The following EMB variants were observed in gnomAD, a reference collection of about 807,000 sequenced individuals.
EMB encodes the protein embigin, also known as embigin homolog.
In EMB, 31 loss-of-function variants were observed where a neutral mutation model predicts 41.4. The ratio of observed to expected loss-of-function variants is 0.75; its 90% CI spans 0.56 to 1.01. EMB has a LOEUF of 1.01. Among genes scored for constraint, EMB ranks in the 50% least tolerant of loss-of-function variants. The pLI is 0.00. For missense variants in EMB, 379 were observed against 388.3 expected (o/e 0.98, Z 0.20); for synonymous variants, 137 against 140.4 (o/e 0.98, Z 0.17).
intron 2 of EMB, among the ~76,000 whole-genome samples, chr5:50,427,369 G>C (rs1246888322): frequency 2.0e-5 from 3 of 151,924 alleles, no homozygotes; most frequent in African/African-American, 7.3e-5. Flanking sequence ...TTTTTGATGG[G>C]AAGGCACTAG....
At chr5:50,401,824 G>A (rs1353883392) in intron 7 of EMB, among the ~76,000 whole-genome samples, 1 of 151,818 alleles carries the variant, frequency 6.6e-6, no homozygotes, top group East Asian at 1.9e-4. Context: ...CAACCCAAGA[G>A]GTTCTGATCC....
intron 2 of EMB, among the ~76,000 whole-genome samples, chr5:50,427,658 A>C (rs1745642088): frequency 6.6e-6 from 1 of 152,014 alleles, no homozygotes; most frequent in Admixed American, 6.6e-5. Context: ...ACAGGTGTCC[A>C]CAACCATCCC....
chr5:50,406,766 C>A (rs1967289), intron 4 of EMB, among the ~76,000 whole-genome samples: 1 of 151,486 alleles, frequency 6.6e-6, no homozygotes, highest in Non-Finnish European at 1.5e-5. Context: ...TGTGTGTGTG[C>A]GCACATGCGT....
chr5:50,414,108 T>G (rs1254936541), intron 2 of EMB, among the ~76,000 whole-genome samples: 1 of 152,182 alleles, frequency 6.6e-6, no homozygotes. Flanking sequence ...GAAGGAGTTG[T>G]GTTTGGAAGA....
At chr5:50,425,236 C>T (rs568425293) in intron 2 of EMB, among the ~76,000 whole-genome samples, 89 of 152,132 alleles carry the variant, frequency 5.9e-4, no homozygotes, top group Non-Finnish European at 8.5e-4. Context: ...CTAATCTTCC[C>T]GAATCTTACA....
intron 1 of EMB, among the ~76,000 whole-genome samples, chr5:50,429,968 T>TTCTCTC (rs780667856): frequency 0.017 from 1,083 of 61,988 alleles, 9 homozygotes; most frequent in South Asian, 0.031. Flanking sequence ...CCAACTCTCT[T>TTCTCTC]TCTCTCTCTC....
chr5:50,441,316 G>T (rs537633996), upstream of EMB: 37 of 402,100 alleles, frequency 9.2e-5, no homozygotes, highest in Non-Finnish European at 1.5e-4. Context: ...CGGCCGCCTT[G>T]CCCCACTCCC....
chr5:50,437,954 T>C (rs139855066), intron 1 of EMB, among the ~76,000 whole-genome samples: 1 of 152,248 alleles, frequency 6.6e-6, no homozygotes, highest in Non-Finnish European at 1.5e-5. Context: ...ATATATTATA[T>C]GTCTTATTTA....
chr5:50,413,246 A>G (rs956675597), intron 2 of EMB, among the ~76,000 whole-genome samples: 9 of 152,226 alleles, frequency 5.9e-5, no homozygotes, highest in Non-Finnish European at 7.3e-5. Context: ...CAGCAAATGA[A>G]TAAAAAAGAA....
At position 50,421,468 on chromosome 5, in the gene EMB, A is replaced by T. The variant is rs191609172; in HGVS notation, c.196+6676T>A. ...GGTGGGACTGTAAACTAGTTCAACCATTGTGGAAGTCAGTGTGGCGATTCC... is the reference window on the plus strand; with the variant it reads ...GGTGGGACTGTAAACTAGTTCAACCTTTGTGGAAGTCAGTGTGGCGATTCC... On this transcript the variant is annotated intron_variant, in intron 2 of 8. Transcript: ENST00000303221. Among the ~76,000 whole-genome samples the T allele has an allele frequency of 9.9e-4, 151 of 152,200 alleles. 1 individual carries two copies. Among genetic ancestry groups the T allele is most frequent in the Admixed American group, 7.9e-3 (120 of 15,264 alleles).
intron 1 of EMB, among the ~76,000 whole-genome samples, chr5:50,434,714 G>A (rs1206957231): frequency 6.6e-6 from 1 of 152,110 alleles, no homozygotes; most frequent in African/African-American, 2.4e-5. Flanking sequence ...CTTCAAAAAT[G>A]CCAGGAAAAT....
intron 2 of EMB, 115 bp downstream of exon 2, chr5:50,428,012 ACTGGTATGTTTTCCCAC>A (rs774291029): frequency 5.0e-5 from 31 of 614,940 alleles, no homozygotes; most frequent in Non-Finnish European, 8.6e-5. Flanking sequence ...CCAGCTCACT[ACTGGTATGTTTTCCCAC>A]CAGGCCAGGA....
intron 4 of EMB, 85 bp downstream of exon 4, chr5:50,410,792 A>T: frequency 1.1e-6 from 1 of 877,094 alleles, no homozygotes; most frequent in South Asian, 2.3e-5. Flanking sequence ...TATTATTGTA[A>T]AAATAATTTT....
intron 2 of EMB, among the ~76,000 whole-genome samples, chr5:50,412,929 G>T (rs1302643153): frequency 8.7e-6 from 1 of 114,476 alleles, no homozygotes; most frequent in Non-Finnish European, 1.8e-5. Flanking sequence ...GGATTTCTGG[G>T]ATACTGGTGT....
rs190532114 is a variant in EMB, at chr5:50,401,581, C to T, written c.911+705G>A. On this transcript the variant is annotated intron_variant, in intron 7 of 8. Transcript: ENST00000303221. ...CTGGCCTCCATACTCAGTTCTCTGGCTTCGAGGAATTCGGAACTCCCATCT... is the reference window on the plus strand; with the variant it reads ...CTGGCCTCCATACTCAGTTCTCTGGTTTCGAGGAATTCGGAACTCCCATCT... Among the ~76,000 whole-genome samples the T allele has an allele frequency of 3.2e-3, 485 of 152,102 alleles. 2 individuals carry two copies. Among genetic ancestry groups the T allele is most frequent in the African/African-American group, 0.011 (463 of 41,540 alleles).
At chr5:50,419,823 T>C (rs1192818576) in intron 2 of EMB, among the ~76,000 whole-genome samples, 2 of 152,140 alleles carry the variant, frequency 1.3e-5, no homozygotes, top group East Asian at 1.9e-4. Flanking sequence ...ATGTGGTGCA[T>C]ATACACGATG....
chr5:50,429,594 G>A (rs1745679840), intron 1 of EMB, among the ~76,000 whole-genome samples: 1 of 152,102 alleles, frequency 6.6e-6, no homozygotes, highest in Non-Finnish European at 1.5e-5. Context: ...AGCTTTAGAA[G>A]TTTAATGCAC....
At chr5:50,440,607 C>G (rs1438527744) in intron 1 of EMB, among the ~76,000 whole-genome samples, 1 of 149,878 alleles carries the variant, frequency 6.7e-6, no homozygotes, top group Non-Finnish European at 1.5e-5. Flanking sequence ...GGAGGTGATA[C>G]TCGAGCCTTA....
chr5:50,425,782 C>A lies in EMB; in HGVS notation c.196+2362G>T, dbSNP rs377073388. 5.3e-5 allele frequency among the ~76,000 whole-genome samples: 8 copies of A among 150,740 alleles called. No homozygotes were observed. In the East Asian group the frequency reaches 5.9e-4, roughly 11 times the overall value. On this transcript the variant is annotated intron_variant, in intron 2 of 8. Coordinates refer to ENST00000303221, the MANE Select transcript of EMB (RefSeq NM_198449.3). Reference sequence around the variant, plus strand: ...CGCTGCAACCTCCGCCTCCCAGGTTCAAGTGATTCTCCTGCCTCAGCCTCC... The same window carrying A: ...CGCTGCAACCTCCGCCTCCCAGGTTAAAGTGATTCTCCTGCCTCAGCCTCC...
Sources: gnomAD v4.1 joint callset for allele counts (sites outside exome capture counted in the v4.1 genomes callset) on GRCh38, gnomAD v4.1.1 for gene constraint, MANE v1.5 for transcripts, NCBI Gene and HGNC (gene_info 2026-07-23, HGNC 2026-07-21) for gene names.